RALGAPA2: variants seen among roughly 807,000 people sequenced by gnomAD.
The protein encoded by RALGAPA2 is Ral GTPase activating protein catalytic subunit alpha 2, also known as ral GTPase-activating protein subunit alpha-2.
RALGAPA2 carries 139 observed loss-of-function variants against 230.4 expected under a neutral mutation model. That is an observed-to-expected ratio of 0.60 (90% CI 0.53 to 0.69). The LOEUF is 0.69. Ranked by LOEUF, RALGAPA2 falls within the 30% of genes least tolerant of loss-of-function variation. RALGAPA2 has a pLI of 0.00. For synonymous variants in RALGAPA2, 847 were observed against 837.8 expected (o/e 1.01, Z -0.19); for missense variants, 2,163 against 2,276.0 (o/e 0.95, Z 1.01).
At position 20,712,519 on chromosome 20, in the gene RALGAPA2, A is replaced by T. The variant is rs940629969; in HGVS notation, c.-39T>A. 1 of 1,530,092 alleles carries T rather than the reference A, an allele frequency of 6.5e-7. No individual in the cohort carries two copies. The highest frequency in any genetic ancestry group is 2.1e-5 in the Admixed American group (1 of 47,450). The allele number at this position is 1,530,092 out of a possible 1,614,324, so 94.8% of individuals were successfully genotyped here. On this transcript the variant is annotated 5_prime_UTR_variant, in exon 1 of 40. Transcript: ENST00000202677. This position sits in a 1 kb window ranked among gnomAD's most constrained non-coding sequence, Gnocchi z 5.5. ...GCCCGGGCCCCGCCGGCGGGGCAGT[A>T]GGCGCCTGCGCCACGCGAATCAAAG...
At chr20:20,429,065 G>A (rs557540056) in intron 37 of RALGAPA2, among the ~76,000 whole-genome samples, 4 of 152,204 alleles carry the variant, frequency 2.6e-5, no homozygotes, top group African/African-American at 9.6e-5. Flanking sequence ...ACCCAATGTT[G>A]GTGCAGTTGG....
chr20:20,674,757 G>A (rs1306835269), intron 3 of RALGAPA2, among the ~76,000 whole-genome samples: 2 of 152,200 alleles, frequency 1.3e-5, no homozygotes, highest in Admixed American at 1.3e-4. Flanking sequence ...TACCATAGGA[G>A]ATCATTTCTA....
chr20:20,643,482 G>A, intron 5 of RALGAPA2, 24 bp downstream of exon 5: 2 of 1,458,476 alleles, frequency 1.4e-6, no homozygotes, highest in Non-Finnish European at 1.8e-6. Context: ...AATAAAAAAT[G>A]TCATTACACA....
chr20:20,589,357 C>T lies in RALGAPA2; in HGVS notation c.2350G>A (p.Ala784Thr), dbSNP rs774192944. 5.1e-6 allele frequency: 8 copies of T among 1,583,026 alleles called. No homozygotes were observed. Among genetic ancestry groups the T allele is most frequent in the Non-Finnish European group, 6.9e-6 (8 of 1,162,802 alleles). The change falls in exon 18 of 40, where the codon GCA (alanine) becomes ACA (threonine). Residue 784 changes from alanine to threonine, a missense_variant. By Grantham distance (58) the Ala-to-Thr change is moderately conservative. Transcript: ENST00000202677. ...GAACTCGAATTCTGTGTGTTTTCTG[C>T]CTTTTGACCTAGAAATGGTGGGGCA... ...LCSDSSQGQKAENTQNSSSSE... is the reference protein window; with the variant it reads ...LCSDSSQGQKTENTQNSSSSE...
intron 20 of RALGAPA2, among the ~76,000 whole-genome samples, chr20:20,582,133 T>C (rs1490874542): frequency 6.6e-6 from 1 of 151,634 alleles, no homozygotes; most frequent in Non-Finnish European, 1.5e-5. Context: ...GAAACTGACC[T>C]TTGAGGTTGA....
chr20:20,528,445 G>A (rs2063283157), intron 27 of RALGAPA2, among the ~76,000 whole-genome samples: 1 of 152,134 alleles, frequency 6.6e-6, no homozygotes, highest in Non-Finnish European at 1.5e-5. Flanking sequence ...CTTGGGCAGT[G>A]GGTGGGACGG....
intron 2 of RALGAPA2, among the ~76,000 whole-genome samples, chr20:20,680,302 T>C (rs928673968): frequency 3.9e-5 from 6 of 152,250 alleles, no homozygotes; most frequent in Non-Finnish European, 7.3e-5. Context: ...TGGAAGGAGA[T>C]GCAGGAAATC....
At chr20:20,651,568 A>C (rs1413654652) in intron 4 of RALGAPA2, among the ~76,000 whole-genome samples, 1 of 152,190 alleles carries the variant, frequency 6.6e-6, no homozygotes, top group Non-Finnish European at 1.5e-5. Context: ...AACTGGGTAA[A>C]AAGCTACTTG....
chr20:20,502,133 T>C (rs527667939), intron 35 of RALGAPA2, among the ~76,000 whole-genome samples: 1 of 152,266 alleles, frequency 6.6e-6, no homozygotes, highest in Admixed American at 6.5e-5. Flanking sequence ...ATGGTGCCAA[T>C]AGACTTGTTT....
intron 38 of RALGAPA2, among the ~76,000 whole-genome samples, chr20:20,399,663 C>T (rs186722522): frequency 2.0e-5 from 3 of 152,342 alleles, no homozygotes; most frequent in Admixed American, 1.3e-4. Flanking sequence ...TTTAAAGCAG[C>T]ACAGGAAACA....
intron 37 of RALGAPA2, among the ~76,000 whole-genome samples, chr20:20,452,171 G>A (rs1448416099): frequency 1.3e-5 from 2 of 152,028 alleles, no homozygotes; most frequent in Non-Finnish European, 2.9e-5. Flanking sequence ...ATATAGAGAG[G>A]AAATAAACTT....
At chr20:20,404,029 G>A (rs928422179) in intron 38 of RALGAPA2, among the ~76,000 whole-genome samples, 5 of 152,174 alleles carry the variant, frequency 3.3e-5, no homozygotes, top group African/African-American at 7.2e-5. Context: ...GAGCCTCTGC[G>A]TGGGGGCACA....
In RALGAPA2 at chr20:20,495,122, GT is replaced by G; in HGVS notation, c.5361del (p.Lys1787AsnfsTer15). 2 of 1,602,086 alleles carry G rather than the reference GT, an allele frequency of 1.2e-6. No individual in the cohort carries two copies. The highest frequency in any genetic ancestry group is 1.7e-6 in the Non-Finnish European group (2 of 1,170,570). On this transcript the variant is annotated frameshift_variant, in exon 36 of 40. Transcript: ENST00000202677. LOFTEE classifies it high-confidence loss of function. ...NHMFFIAITK[K>X]PEVPFFGPLF... is the part of the protein sequence containing the mutation. ...ACAATGCAATGAAAACGTACCTCAGGTTTCTTCGTTATCGCGATGAAGAACA... is the reference window on the plus strand; with the variant it reads ...ACAATGCAATGAAAACGTACCTCAGGTTCTTCGTTATCGCGATGAAGAACA...
chr20:20,435,233 A>G (rs1350633047), intron 37 of RALGAPA2, among the ~76,000 whole-genome samples: 2 of 152,362 alleles, frequency 1.3e-5, no homozygotes, highest in African/African-American at 4.8e-5. Context: ...CTGGATGAAG[A>G]AAATGGTCAT....
Position 20,412,148 on chromosome 20 carries a change from G to T in RALGAPA2, c.5496C>A (p.Phe1832Leu), listed in dbSNP as rs1205606964. 1 of 1,613,906 alleles carries T rather than the reference G, an allele frequency of 6.2e-7. No homozygotes were observed. Among genetic ancestry groups the T allele is most frequent in the Non-Finnish European group, 8.5e-7 (1 of 1,179,828 alleles). Reference protein sequence around the residue: ...VKCLIPLYQSFYEERALYLEA... With the variant: ...VKCLIPLYQSLYEERALYLEA... ...CGAGATACAGAGCTCGCTCTTCATA[G>T]CTGCGGTAATCGGTTAAGGAAACAA... The change falls in exon 38 of 40, where the codon TTC (phenylalanine) becomes TTA (leucine). Residue 1832 changes from phenylalanine (F) to leucine (L), a missense_variant and splice_region_variant. Phe to Leu is a conservative substitution (Grantham distance 22). Transcript: ENST00000202677.
In RALGAPA2 at chr20:20,437,922, G is replaced by C. The variant is rs76404536; in HGVS notation, c.5496-25774C>G. On this transcript the variant is annotated intron_variant, in intron 37 of 39. Coordinates refer to ENST00000202677, the MANE Select transcript of RALGAPA2 (RefSeq NM_020343.4). The surrounding 1 kb of genome is among the most constrained non-coding windows in gnomAD (Gnocchi z 4.1). The stretch of plus-strand genomic sequence containing the variant: ...AGAGTCTCAGAAACCACTCTCGCAG[G>C]CTAGCTGGCTGAAGGAACAACACTG... Among the ~76,000 whole-genome samples, 14 of 152,150 alleles carry C rather than the reference G, an allele frequency of 9.2e-5. No individual in the cohort carries two copies. Among genetic ancestry groups the C allele is most frequent in the African/African-American group, 3.1e-4 (13 of 41,432 alleles).
intron 36 of RALGAPA2, among the ~76,000 whole-genome samples, chr20:20,492,694 C>T (rs1031123947): frequency 1.3e-5 from 2 of 152,140 alleles, no homozygotes; most frequent in African/African-American, 4.8e-5. Flanking sequence ...CCTTTGTCCT[C>T]GCTCACAGGC....
At chr20:20,418,722 A>G (rs2060215920) in intron 37 of RALGAPA2, among the ~76,000 whole-genome samples, 1 of 145,478 alleles carries the variant, frequency 6.9e-6, no homozygotes. Flanking sequence ...ATTGAGTGCA[A>G]TTCTATTGCT....
At chr20:20,557,167 G>A (rs772522724) in intron 23 of RALGAPA2, among the ~76,000 whole-genome samples, 7 of 152,076 alleles carry the variant, frequency 4.6e-5, no homozygotes, top group Admixed American at 1.3e-4. Flanking sequence ...AAAATTAGCC[G>A]GGCGTGGTGG....
Sources: gnomAD v4.1 joint callset for allele counts (sites outside exome capture counted in the v4.1 genomes callset) on GRCh38, gnomAD v4.1.1 for gene constraint, Gnocchi (gnomAD v3.1) non-coding constraint, MANE v1.5 for transcripts, NCBI Gene and HGNC (gene_info 2026-07-23, HGNC 2026-07-21) for gene names.